The following ARMC12 variants were observed in gnomAD, a reference collection of about 807,000 sequenced individuals.
The protein encoded by ARMC12 is armadillo repeat-containing protein 12.
ARMC12 carries 25 observed loss-of-function variants against 37.4 expected under a neutral mutation model. The observed-to-expected ratio is 0.67, with a 90% CI of 0.49 to 0.93. ARMC12 has a LOEUF of 0.93. Ranked by LOEUF, ARMC12 falls within the 40% of genes least tolerant of loss-of-function variation. The pLI, the probability that ARMC12 is intolerant of heterozygous loss-of-function variation, is 0.00. For missense variants in ARMC12, 384 were observed against 426.6 expected, an observed-to-expected ratio of 0.90 and a Z score of 0.88; for synonymous variants, 167 against 176.1, an observed-to-expected ratio of 0.95 and a Z score of 0.41.
Position 35,738,909 on chromosome 6 carries a change from G to A in ARMC12, c.444+391G>A, listed in dbSNP as rs367817501. On this transcript the variant is annotated intron_variant, in intron 3 of 5. Coordinates refer to ENST00000373866, the MANE Select transcript of ARMC12 (RefSeq NM_001286574.2). The stretch of plus-strand genomic sequence containing the variant: ...GCTGAGTCCCCCAAGACTTCCCCCC[G>A]ACTTCAGGTACCAATCATAGGTCTG... Among the ~76,000 whole-genome samples, 14 of 152,228 alleles carry A rather than the reference G, an allele frequency of 9.2e-5. No individual in the cohort carries two copies. In the South Asian group the frequency reaches 2.3e-3, roughly 25 times the overall value.
At position 35,738,287 on chromosome 6, in the gene ARMC12, G is replaced by A. The variant is rs554282976; in HGVS notation, c.310-97G>A. 52 of 1,015,786 alleles carry A rather than the reference G, an allele frequency of 5.1e-5. 1 individual carries two copies. The South Asian group carries it at 6.6e-4, about 13-fold the overall frequency. The allele number at this position is 1,015,786 out of a possible 1,614,324, so 62.9% of individuals were successfully genotyped here. On this transcript the variant is annotated intron_variant, in intron 2 of 5. Coordinates refer to ENST00000373866, the MANE Select transcript of ARMC12 (RefSeq NM_001286574.2). ...GGACCTCTCTCTGGCTGATAGCGGT[G>A]GGGGGGGGGTGTGCGGAGGGATCTT...
chr6:35,739,635 A>G (rs1022293671), intron 3 of ARMC12, among the ~76,000 whole-genome samples: 3 of 152,236 alleles, frequency 2.0e-5, no homozygotes, highest in African/African-American at 7.2e-5. Flanking sequence ...GGCCCAGGAA[A>G]GGCCTAGGCA....
upstream of ARMC12, among the ~76,000 whole-genome samples, chr6:35,733,135 G>C (rs1171409506): frequency 1.3e-5 from 2 of 152,238 alleles, no homozygotes; most frequent in Non-Finnish European, 2.9e-5. Context: ...TGGCGCCACT[G>C]CACTCCAGCC....
chr6:35,743,666 A>G (rs1767245563), intron 3 of ARMC12, among the ~76,000 whole-genome samples: 1 of 152,192 alleles, frequency 6.6e-6, no homozygotes, highest in Non-Finnish European at 1.5e-5. Context: ...TTTATATTCT[A>G]ACAGGGCAAG....
chr6:35,737,467 TCTCA>T, intron 1 of ARMC12, 196 bp downstream of exon 1: 1 of 1,495,836 alleles, frequency 6.7e-7, no homozygotes, highest in Non-Finnish European at 9.0e-7. Flanking sequence ...GGTCCCTGGA[TCTCA>T]CTCAAGTGGA....
At chr6:35,745,259 A>G (rs1561924050) in intron 3 of ARMC12, among the ~76,000 whole-genome samples, 1 of 152,254 alleles carries the variant, frequency 6.6e-6, no homozygotes, top group African/African-American at 2.4e-5. Context: ...ACAAAATGGT[A>G]TAGCCATTAC....
intron 3 of ARMC12, among the ~76,000 whole-genome samples, chr6:35,742,324 CGT>C (rs1450498042): frequency 2.0e-5 from 3 of 151,362 alleles, no homozygotes; most frequent in Non-Finnish European, 2.9e-5. Flanking sequence ...GGAGAAACCC[CGT>C]CTCTACTAAA....
At chr6:35,733,003 G>A (rs1318426889), upstream of ARMC12, among the ~76,000 whole-genome samples, 3 of 152,128 alleles carry the variant, frequency 2.0e-5, no homozygotes, top group Non-Finnish European at 4.4e-5. Flanking sequence ...GTGAAATCCA[G>A]CCTACTGAAA....
chr6:35,745,914 C>T (rs1247491719), intron 3 of ARMC12, among the ~76,000 whole-genome samples: 3 of 152,136 alleles, frequency 2.0e-5, no homozygotes, highest in African/African-American at 4.8e-5. Flanking sequence ...AGCACGGTGG[C>T]GTACACCTGT....
In ARMC12 at chr6:35,747,633, A is replaced by C; in HGVS notation, c.676A>C (p.Ile226Leu). 1.9e-6 allele frequency: 3 copies of C among 1,614,028 alleles called. No individual in the cohort carries two copies. Among genetic ancestry groups the C allele is most frequent in the Non-Finnish European group, 8.5e-7 (1 of 1,179,890 alleles). The change falls in exon 5 of 6, where the codon ATT becomes CTT. Residue 226 changes from isoleucine to leucine, a missense_variant. Ile to Leu is a conservative substitution (Grantham distance 5). Coordinates refer to ENST00000373866, the MANE Select transcript of ARMC12 (RefSeq NM_001286574.2). Reference protein sequence around the residue: ...LAQKNDLLYDILNCQVHSNFL... With the variant: ...LAQKNDLLYDLLNCQVHSNFL... ...ACAGAAGAATGACCTTCTCTATGAC[A>C]TTCTCAACTGCCAGGTGAGAAAGAA...
chr6:35,734,561 G>A (rs1455462315), upstream of ARMC12, among the ~76,000 whole-genome samples: 1 of 152,204 alleles, frequency 6.6e-6, no homozygotes, highest in African/African-American at 2.4e-5. Context: ...CCAGCCCTTT[G>A]GGAGGCCGAG....
In ARMC12 at chr6:35,738,438, A is replaced by G; in HGVS notation, c.364A>G (p.Lys122Glu). Residue 122 changes from lysine (K) to glutamate (E), a missense_variant, in exon 3 of 6, where the codon AAG becomes GAG. Transcript: ENST00000373866. ...IVLLGYMLDDKDNSVKTQALN... is the reference protein window; with the variant it reads ...IVLLGYMLDDEDNSVKTQALN... ...GTTGCTGGGCTACATGCTGGATGAC[A>G]AGGACAACAGTGTCAAAACCCAAGC... The G allele has an allele frequency of 6.2e-7, 1 of 1,613,932 alleles. No homozygotes were observed. The highest frequency in any genetic ancestry group is 8.5e-7 in the Non-Finnish European group (1 of 1,179,994).
chr6:35,744,299 G>A lies in ARMC12; in HGVS notation c.445-2962G>A, dbSNP rs147591874. 1.5e-3 allele frequency among the ~76,000 whole-genome samples: 225 copies of A among 152,040 alleles called. 3 individuals are homozygous for A. Among genetic ancestry groups the A allele is most frequent in the South Asian group, 0.012 (57 of 4,810 alleles). The stretch of plus-strand genomic sequence containing the variant: ...TGGGATTACAGGTGTACACCACCAT[G>A]CCCAGCTGATTTTTGTATTTTTAGT... On this transcript the variant is annotated intron_variant, in intron 3 of 5. Transcript: ENST00000373866.
rs758890320 is a variant in ARMC12, at chr6:35,737,180, C to A, written c.72C>A (p.Gly24=). 1 of 1,614,122 alleles carries A rather than the reference C, an allele frequency of 6.2e-7. No homozygotes were observed. Among genetic ancestry groups the A allele is most frequent in the African/African-American group, 1.3e-5 (1 of 74,946 alleles). Reference sequence around the variant, plus strand: ...AAAGCGTAGTCAGCCTGGCCACAGGCGCCGGGGCGATCTACCTGCTCTACA... The same window carrying A: ...AAAGCGTAGTCAGCCTGGCCACAGGAGCCGGGGCGATCTACCTGCTCTACA... The part of the protein sequence containing the change: ...IRKSVVSLAT[G]AGAIYLLYKA... The change falls in exon 1 of 6, where the codon GGC becomes GGA. Residue 24 remains glycine, a synonymous_variant. Transcript: ENST00000373866.
intron 3 of ARMC12, among the ~76,000 whole-genome samples, chr6:35,745,167 C>T (rs905421630): frequency 1.3e-5 from 2 of 152,136 alleles, no homozygotes; most frequent in Non-Finnish European, 2.9e-5. Context: ...AAAACCAGTA[C>T]ACGATTGTCG....
upstream of ARMC12, among the ~76,000 whole-genome samples, chr6:35,732,846 A>G (rs545532003): frequency 4.3e-4 from 65 of 152,342 alleles, no homozygotes; most frequent in Middle Eastern, 3.4e-3. Context: ...AAGCAGTTAC[A>G]TGGATTACAG....
rs145474944 is a variant in ARMC12, at chr6:35,746,748, C to T, written c.445-513C>T. Among the ~76,000 whole-genome samples, 99 of 151,802 alleles carry T rather than the reference C, an allele frequency of 6.5e-4. 1 individual carries two copies. The East Asian group carries it at 0.018, about 28-fold the overall frequency. On this transcript the variant is annotated intron_variant, in intron 3 of 5. Transcript: ENST00000373866. ...GAGTTGATGCCAGCAGTTTTTGGCCCGAGCCACTGGAAGGAAAGTGTAACC... is the reference window on the plus strand; with the variant it reads ...GAGTTGATGCCAGCAGTTTTTGGCCTGAGCCACTGGAAGGAAAGTGTAACC...
intron 3 of ARMC12, among the ~76,000 whole-genome samples, chr6:35,739,164 C>T (rs1767090395): frequency 6.6e-6 from 1 of 152,112 alleles, no homozygotes; most frequent in South Asian, 2.1e-4. Flanking sequence ...GGCTGGGCTG[C>T]TATTGCTCCT....
At position 35,738,038 on chromosome 6, in the gene ARMC12, G is replaced by A. The variant is rs201470644; in HGVS notation, c.175G>A (p.Glu59Lys). ...GGGTGGCTGTCTAGGCCTGGCAGTC[G>A]AGCGAGAGCGGCACGGGCGGGACTC... ...SPICIARLAV[E>K]RERHGRDSGE... The change falls in exon 2 of 6, where the codon GAG becomes AAG. Residue 59 changes from glutamate to lysine, a missense_variant. By Grantham distance (56) the Glu-to-Lys change is moderately conservative. Coordinates refer to ENST00000373866, the MANE Select transcript of ARMC12 (RefSeq NM_001286574.2). 912 of 1,613,420 alleles carry A rather than the reference G, an allele frequency of 5.7e-4. 14 individuals carry two copies. In the South Asian group the frequency reaches 9.2e-3, roughly 16 times the overall value.
Sources: allele counts gnomAD v4.1 joint callset (sites outside exome capture counted in the v4.1 genomes callset), GRCh38; gene constraint gnomAD v4.1.1; transcripts MANE v1.5; gene names NCBI Gene and HGNC (gene_info 2026-07-23, HGNC 2026-07-21).